AAK1: variants seen among roughly 807,000 people sequenced by gnomAD.
AAK1 encodes AP2-associated protein kinase 1.
AAK1 carries 37 observed loss-of-function variants against 116.0 expected under a neutral mutation model. That is an observed-to-expected ratio of 0.32 (90% CI 0.25 to 0.42). AAK1 has a LOEUF of 0.42. Among genes scored for constraint, AAK1 ranks in the 10% least tolerant of loss-of-function variants. The pLI is 1.00. For synonymous variants in AAK1, 458 were observed against 439.9 expected, an observed-to-expected ratio of 1.04 and a Z score of -0.51; for missense variants, 919 against 1,170.6, an observed-to-expected ratio of 0.79 and a Z score of 3.14.
chr2:69,586,805 A>G (rs1239112918), intron 2 of AAK1, among the ~76,000 whole-genome samples: 1 of 152,220 alleles, frequency 6.6e-6, no homozygotes, highest in Non-Finnish European at 1.5e-5. Flanking sequence ...GAAGTTTTTA[A>G]AAAGATAATT....
chr2:69,542,464 C>G lies in AAK1; in HGVS notation c.534+59G>C. ...ATATCCCCACAGTATCTACTCCATC[C>G]CTGGGGCAGACAGAAAATATTGAGT... On this transcript the variant is annotated intron_variant, in intron 5 of 21. Transcript: ENST00000409085. The G allele has an allele frequency of 1.3e-6, 2 of 1,594,438 alleles. 1 individual carries two copies. The highest frequency in any genetic ancestry group is 2.2e-5 in the South Asian group (2 of 89,770).
chr2:69,474,355 G>C lies in AAK1; in HGVS notation c.*1514C>G, dbSNP rs1674776930. The C allele has an allele frequency of 3.0e-6, 3 of 985,656 alleles. No individual in the cohort carries two copies. Among genetic ancestry groups the C allele is most frequent in the Non-Finnish European group, 3.6e-6 (3 of 829,920 alleles). The allele number at this position is 985,656 out of a possible 1,614,324, so 61.1% of individuals were successfully genotyped here. ...AAAGAACAGGAGTGGGGTTCTCTGT[G>C]CCCACTTCTTTTCAAAAGGGTGATT... On this transcript the variant is annotated 3_prime_UTR_variant, in exon 22 of 22. Coordinates refer to ENST00000409085, the MANE Select transcript of AAK1 (RefSeq NM_014911.5).
At position 69,637,399 on chromosome 2, in the gene AAK1, C is replaced by T. The variant is rs562182031; in HGVS notation, c.163+5479G>A. ...GGCACAGCCATGTCTCATTTATCTC[C>T]GCATGATGCCTGGCACATAATGAAT... On this transcript the variant is annotated intron_variant, in intron 2 of 21. Coordinates refer to ENST00000409085, the MANE Select transcript of AAK1 (RefSeq NM_014911.5). Among the ~76,000 whole-genome samples, 15 of 152,240 alleles carry T rather than the reference C, an allele frequency of 9.9e-5. No homozygotes were observed. In the East Asian group the frequency reaches 1.7e-3, roughly 18 times the overall value.
At chr2:69,501,680 C>T (rs1339087347) in intron 16 of AAK1, among the ~76,000 whole-genome samples, 2 of 151,980 alleles carry the variant, frequency 1.3e-5, no homozygotes, top group African/African-American at 4.8e-5. Context: ...ATAAGAAAAA[C>T]AAGAAAATGG....
At chr2:69,541,388 AC>A (rs1162441020) in intron 5 of AAK1, among the ~76,000 whole-genome samples, 2 of 151,284 alleles carry the variant, frequency 1.3e-5, no homozygotes, top group African/African-American at 4.9e-5. Flanking sequence ...GCGCTACTAC[AC>A]CCGGCTAATT....
chr2:69,493,158 C>CAAAAAAAAAAA (rs574490585), intron 17 of AAK1, among the ~76,000 whole-genome samples: 1,111 of 37,396 alleles, frequency 0.03, 137 homozygotes, highest in African/African-American at 0.073. Context: ...GACTCCGTCT[C>CAAAAAAAAAAA]AAAAAAAAAA....
chr2:69,519,062 G>A lies in AAK1; in HGVS notation c.1389C>T (p.His463=). Residue 463 remains histidine, a synonymous_variant, in exon 12 of 22, where the codon CAC becomes CAT. Coordinates refer to ENST00000409085, the MANE Select transcript of AAK1 (RefSeq NM_014911.5). ...LPAQAQATPQ[H]QQQLFLKQQQ... is the part of the protein sequence containing the mutation. ...GCTGCTTGAGGAAGAGTTGCTGCTGGTGCTGGGGTGTGGCCTGGGCCTGAG... is the reference window on the plus strand; with the variant it reads ...GCTGCTTGAGGAAGAGTTGCTGCTGATGCTGGGGTGTGGCCTGGGCCTGAG... The A allele has an allele frequency of 6.4e-7, 1 of 1,551,192 alleles. No individual in the cohort carries two copies. The highest frequency in any genetic ancestry group is 8.7e-7 in the Non-Finnish European group (1 of 1,146,802).
chr2:69,588,946 C>G (rs941817366), intron 2 of AAK1, among the ~76,000 whole-genome samples: 1 of 152,130 alleles, frequency 6.6e-6, no homozygotes, highest in Admixed American at 6.5e-5. Flanking sequence ...AAAGAACTTC[C>G]GTTGCTTTTT....
Position 69,514,699 on chromosome 2 carries a change from A to G in AAK1, c.1548T>C (p.Pro516=). The G allele has an allele frequency of 6.2e-7, 1 of 1,612,784 alleles. No individual in the cohort carries two copies. The highest frequency in any genetic ancestry group is 8.5e-7 in the Non-Finnish European group (1 of 1,179,132). Residue 516 remains proline (P), a synonymous_variant, in exon 13 of 22, where the codon CCT becomes CCC. Coordinates refer to ENST00000409085, the MANE Select transcript of AAK1 (RefSeq NM_014911.5). Reference sequence around the variant, plus strand: ...GTTGAGAGCCTCCTTGGGACACCACAGGGAACTGAGCAATTGCTGGTTTCT... The same window carrying G: ...GTTGAGAGCCTCCTTGGGACACCACGGGGAACTGAGCAATTGCTGGTTTCT... ...ATQKPAIAQF[P]VVSQGGSQQQ...
chr2:69,557,123 C>T (rs3771543), intron 2 of AAK1, 145 bp from the exon 3 acceptor site: 188,586 of 636,160 alleles, frequency 0.3, 30,645 homozygotes, highest in East Asian at 0.51. Context: ...TGTTGTAGAA[C>T]ACATTCTTAG....
chr2:69,596,092 T>C (rs1558989591), intron 2 of AAK1, among the ~76,000 whole-genome samples: 1 of 152,194 alleles, frequency 6.6e-6, no homozygotes, highest in Non-Finnish European at 1.5e-5. Context: ...CGTTGCAAAA[T>C]ATTACTGCTC....
At chr2:69,636,498 C>T (rs553987974) in intron 2 of AAK1, among the ~76,000 whole-genome samples, 2 of 152,244 alleles carry the variant, frequency 1.3e-5, no homozygotes, top group East Asian at 3.9e-4. Context: ...GAAGATATGG[C>T]ATGTTTTTTA....
intron 2 of AAK1, among the ~76,000 whole-genome samples, chr2:69,565,752 G>A (rs1484258792): frequency 1.3e-5 from 2 of 152,066 alleles, no homozygotes; most frequent in Non-Finnish European, 2.9e-5. Flanking sequence ...AGGTGGCAGA[G>A]TATCCTCTCC....
At chr2:69,482,423 C>G (rs1391865926) in intron 18 of AAK1, 1 of 590,610 alleles carries the variant, frequency 1.7e-6, no homozygotes, top group Non-Finnish European at 3.0e-6. Context: ...AGTTAGAAAC[C>G]AATTTTTTAA....
chr2:69,578,905 G>A (rs1672431023), intron 2 of AAK1, among the ~76,000 whole-genome samples: 1 of 150,472 alleles, frequency 6.6e-6, no homozygotes, highest in African/African-American at 2.5e-5. Flanking sequence ...CCGGGTTCAC[G>A]CAGTTCTCCT....
intron 17 of AAK1, among the ~76,000 whole-genome samples, chr2:69,495,238 G>C (rs187895084): frequency 3.3e-5 from 5 of 152,156 alleles, no homozygotes; most frequent in African/African-American, 1.2e-4. Flanking sequence ...AAGGAAGGCC[G>C]GAAGGAAAAG....
intron 2 of AAK1, among the ~76,000 whole-genome samples, chr2:69,558,099 T>C (rs1671463122): frequency 6.6e-6 from 1 of 152,042 alleles, no homozygotes; most frequent in Non-Finnish European, 1.5e-5. Context: ...TCCCAGAACT[T>C]TGGGAGGCTG....
intron 14 of AAK1, 46 bp from the exon 15 acceptor site, chr2:69,507,624 A>T (rs761450806): frequency 4.7e-6 from 7 of 1,487,028 alleles, no homozygotes; most frequent in Non-Finnish European, 5.4e-6. Flanking sequence ...ATAAAAGTTG[A>T]ACAAAACAAA....
intron 2 of AAK1, among the ~76,000 whole-genome samples, chr2:69,635,332 T>C (rs140532784): frequency 3.9e-5 from 6 of 152,336 alleles, no homozygotes; most frequent in South Asian, 4.1e-4. Flanking sequence ...GGAACCTTTG[T>C]GCACTGTTGA....
Sources: allele counts gnomAD v4.1 joint callset (sites outside exome capture counted in the v4.1 genomes callset), GRCh38; gene constraint gnomAD v4.1.1; transcripts MANE v1.5; gene names NCBI Gene and HGNC (gene_info 2026-07-23, HGNC 2026-07-21).